Variants in ELP4 observed in about 807,000 individuals in gnomAD.
The protein encoded by ELP4 is elongator acetyltransferase complex subunit 4, also known as elongator complex protein 4.
ELP4 carries 51 observed loss-of-function variants against 48.9 expected under a neutral mutation model. The ratio of observed to expected loss-of-function variants is 1.04; its 90% CI spans 0.83 to 1.32. The LOEUF is 1.32. Among genes scored for constraint, ELP4 ranks in the 40% most tolerant of loss-of-function variants. ELP4 has a pLI of 0.00. For synonymous variants in ELP4, 210 were observed against 189.2 expected (o/e 1.11, Z -0.90); for missense variants, 519 against 514.6 (o/e 1.01, Z -0.08).
At chr11:31,705,700 A>G (rs1468914801) in intron 9 of ELP4, among the ~76,000 whole-genome samples, 2 of 152,228 alleles carry the variant, frequency 1.3e-5, no homozygotes, top group African/African-American at 4.8e-5. Flanking sequence ...AAAGTGGACC[A>G]CCATTATCAA....
chr11:31,562,348 A>G (rs1957036559), intron 3 of ELP4, among the ~76,000 whole-genome samples: 1 of 151,902 alleles, frequency 6.6e-6, no homozygotes, highest in South Asian at 2.1e-4. Flanking sequence ...CTCTTTTTTC[A>G]TGTTATCCTC....
intron 9 of ELP4, among the ~76,000 whole-genome samples, chr11:31,672,958 A>T (rs1337289870): frequency 6.6e-6 from 1 of 152,170 alleles, no homozygotes; most frequent in African/African-American, 2.4e-5. Flanking sequence ...TAAAACTTGG[A>T]AATTAATAAA....
Position 31,771,762 on chromosome 11 carries a change from A to G in ELP4, c.1144-11631A>G, listed in dbSNP as rs372568997. Among the ~76,000 whole-genome samples the G allele has an allele frequency of 1.1e-3, 165 of 152,252 alleles. 4 individuals carry two copies. In the South Asian group the frequency reaches 0.033, roughly 30 times the overall value. On this transcript the variant is annotated intron_variant, in intron 9 of 9. Transcript: ENST00000640961. ...TGGGAGGCCAAGGCGGGCAGATCAC[A>G]AGGTCAGGAGATCAAGACCATCCTG...
At chr11:31,721,647 G>T (rs1429993859) in intron 9 of ELP4, among the ~76,000 whole-genome samples, 2 of 151,914 alleles carry the variant, frequency 1.3e-5, no homozygotes, top group African/African-American at 4.8e-5. Context: ...AATTTTGGGG[G>T]TAGCAGATTC....
At chr11:31,670,569 G>A (rs556920856) in intron 9 of ELP4, among the ~76,000 whole-genome samples, 1 of 151,942 alleles carries the variant, frequency 6.6e-6, no homozygotes, top group East Asian at 1.9e-4. Context: ...CCTTCTTTCT[G>A]TAAGAGTAAT....
chr11:31,532,532 T>C (rs970184960), intron 2 of ELP4, among the ~76,000 whole-genome samples: 2 of 152,152 alleles, frequency 1.3e-5, no homozygotes, highest in Non-Finnish European at 2.9e-5. Context: ...TTTTTAATTA[T>C]CTACGAGTAC....
At chr11:31,510,291 CT>C in intron 1 of ELP4, 1 of 541,414 alleles carries the variant, frequency 1.8e-6, no homozygotes, top group Admixed American at 3.1e-5. Context: ...CCCTGAAATG[CT>C]TTCTAGTCAA....
chr11:31,743,190 G>A (rs529528862), intron 9 of ELP4, among the ~76,000 whole-genome samples: 1 of 152,290 alleles, frequency 6.6e-6, no homozygotes, highest in Non-Finnish European at 1.5e-5. Flanking sequence ...TCAACAAGAA[G>A]AGCTAACTAT....
intron 9 of ELP4, among the ~76,000 whole-genome samples, chr11:31,704,942 C>G (rs1454454781): frequency 2.0e-5 from 3 of 149,736 alleles, no homozygotes; most frequent in Non-Finnish European, 4.4e-5. Context: ...ACCTGGGAGG[C>G]AGAGGTTGTG....
intron 2 of ELP4, among the ~76,000 whole-genome samples, chr11:31,522,448 A>G: frequency 6.6e-6 from 1 of 152,126 alleles, no homozygotes; most frequent in East Asian, 1.9e-4. Context: ...CTTAGACCTC[A>G]ATTTATGTAC....
rs567213087 is a variant in ELP4 at position 31,783,154 on chromosome 11, T to C, written c.1144-239T>C. On this transcript the variant is annotated intron_variant, in intron 9 of 9. Coordinates refer to ENST00000640961, the MANE Select transcript of ELP4 (RefSeq NM_019040.5). ...CATTTTGGTTTGGACACTGAAAATGTTCCAATAAGATTCCTGGTACGGTTT... is the reference window on the plus strand; with the variant it reads ...CATTTTGGTTTGGACACTGAAAATGCTCCAATAAGATTCCTGGTACGGTTT... 7.2e-5 allele frequency among the ~76,000 whole-genome samples: 11 copies of C among 152,354 alleles called. No individual in the cohort carries two copies. In the East Asian group the frequency reaches 2.1e-3, roughly 29 times the overall value.
intron 9 of ELP4, among the ~76,000 whole-genome samples, chr11:31,779,508 C>T (rs867648511): frequency 1.3e-5 from 2 of 152,160 alleles, no homozygotes; most frequent in Non-Finnish European, 2.9e-5. Context: ...CTAAGCCCAA[C>T]AAAGAGACGG....
intron 7 of ELP4, among the ~76,000 whole-genome samples, chr11:31,636,799 GC>G (rs1171125708): frequency 1.3e-5 from 2 of 151,788 alleles, no homozygotes; most frequent in Non-Finnish European, 2.9e-5. Flanking sequence ...GAAAAAAATG[GC>G]AAGCATACTT....
rs1473045643 is a variant in ELP4, at chr11:31,737,093, C to T, written c.1144-46300C>T. The stretch of plus-strand genomic sequence containing the variant: ...AAATGTCCAACAATGATAGACTGGA[C>T]GAAGAAAATGTGGCACATATACATC... On this transcript the variant is annotated intron_variant, in intron 9 of 9. Transcript: ENST00000640961. Among the ~76,000 whole-genome samples, 63 of 152,058 alleles carry T rather than the reference C, an allele frequency of 4.1e-4. 1 individual carries two copies. The highest frequency in any genetic ancestry group is 2.2e-3 in the Admixed American group (33 of 15,262).
intron 3 of ELP4, among the ~76,000 whole-genome samples, chr11:31,552,084 T>C (rs1956862860): frequency 6.6e-6 from 1 of 152,188 alleles, no homozygotes; most frequent in Non-Finnish European, 1.5e-5. Flanking sequence ...GCCTCATCAA[T>C]AGCACTTGAT....
intron 5 of ELP4, among the ~76,000 whole-genome samples, chr11:31,617,058 C>A (rs1235551301): frequency 6.6e-6 from 1 of 151,960 alleles, no homozygotes; most frequent in Non-Finnish European, 1.5e-5. Context: ...AATCCCACTT[C>A]TAGGTATATG....
In ELP4 at chr11:31,790,205, T is replaced by C. The variant is rs1299511381; in HGVS notation, c.*6681T>C. 1.8e-5 allele frequency: 11 copies of C among 599,712 alleles called. No homozygotes were observed. The highest frequency in any genetic ancestry group is 1.7e-4 in the African/African-American group (9 of 52,870). The allele number at this position is 599,712 out of a possible 1,614,324, so 37.1% of individuals were successfully genotyped here. On this transcript the variant is annotated 3_prime_UTR_variant, in exon 10 of 10. Coordinates refer to ENST00000640961, the MANE Select transcript of ELP4 (RefSeq NM_019040.5). ...TAGCACCTTCAGAAACTAGACAATA[T>C]ATGTATATATACCTATTGGATCCCA...
intron 3 of ELP4, among the ~76,000 whole-genome samples, chr11:31,590,476 A>G (rs893174424): frequency 1.3e-5 from 2 of 152,344 alleles, no homozygotes; most frequent in Middle Eastern, 3.4e-3. Flanking sequence ...AAACATAAGT[A>G]TAAACCTTCG....
At chr11:31,624,995 G>T (rs903984399) in intron 5 of ELP4, among the ~76,000 whole-genome samples, 3 of 150,580 alleles carry the variant, frequency 2.0e-5, no homozygotes, top group East Asian at 1.9e-4. Flanking sequence ...TGAAGGACCT[G>T]GTCACCTGAG....
Sources: allele counts gnomAD v4.1 joint callset (sites outside exome capture counted in the v4.1 genomes callset), GRCh38; gene constraint gnomAD v4.1.1; transcripts MANE v1.5; gene names NCBI Gene and HGNC (gene_info 2026-07-23, HGNC 2026-07-21).